Variants in PROX2 observed in about 807,000 individuals in gnomAD.
The protein encoded by PROX2 is prospero homeobox protein 2.
A neutral mutation model predicts 48.9 loss-of-function variants in PROX2; 46 were observed. The observed-to-expected ratio is 0.94, with a 90% CI of 0.74 to 1.20. The LOEUF (loss-of-function observed/expected upper bound fraction) is 1.20, where lower values mean the gene tolerates loss of function less well. Among genes scored for constraint, PROX2 ranks in the 50% most tolerant of loss-of-function variants. PROX2 has a pLI of 0.00. For missense variants in PROX2, 663 were observed against 719.4 expected (o/e 0.92, Z 0.90); for synonymous variants, 260 against 276.6 (o/e 0.94, Z 0.60).
chr14:74,874,257 T>TG (rs1883285643), intron 1 of PROX2: 2 of 347,474 alleles, frequency 5.8e-6, no homozygotes. Flanking sequence ...ACAAGTTTTT[T>TG]TTTTTTTTTT....
In PROX2 at chr14:74,858,247, T is replaced by C. The variant is rs2091762354; in HGVS notation, c.1413+160A>G. On this transcript the variant is annotated intron_variant, in intron 4 of 5. Transcript: ENST00000556489. ...TAGCCTAAAGTTATTCACGGTTATTTGGGTAGAGTCTCAGCCCAGAACTGG... is the reference window on the plus strand; with the variant it reads ...TAGCCTAAAGTTATTCACGGTTATTCGGGTAGAGTCTCAGCCCAGAACTGG... 7.6e-6 allele frequency: 4 copies of C among 525,264 alleles called. No individual in the cohort carries two copies. The East Asian group carries it at 1.2e-4, about 15-fold the overall frequency. 32.5% of individuals were successfully genotyped at this position (525,264 alleles called of 1,614,324 possible). A position where few individuals can be genotyped will look rare whatever the true frequency, so the allele number is the denominator to read the frequency against.
rs146475866 is a variant in PROX2, at chr14:74,871,777, A to C, written c.-309-540T>G. Reference sequence around the variant, plus strand: ...CAGAGCAAGACCCTGTCTCAAACAAACAAACAAACAAACAAGAACATACGA... The same window carrying C: ...CAGAGCAAGACCCTGTCTCAAACAACCAAACAAACAAACAAGAACATACGA... On this transcript the variant is annotated intron_variant, in intron 1 of 5. Coordinates refer to ENST00000556489, the MANE Select transcript of PROX2 (RefSeq NM_001243007.2). 4 of 153,302 alleles carry C rather than the reference A, an allele frequency of 2.6e-5. No individual in the cohort carries two copies. The East Asian group carries it at 7.6e-4, about 29-fold the overall frequency. The allele number at this position is 153,302 out of a possible 1,614,324, so 9.5% of individuals were successfully genotyped here.
At chr14:74,874,487 G>A (rs749126423) in intron 1 of PROX2, among the ~76,000 whole-genome samples, 3 of 151,528 alleles carry the variant, frequency 2.0e-5, no homozygotes, top group Non-Finnish European at 4.4e-5. Context: ...TCCTGACCTC[G>A]TAATCCACCC....
chr14:74,868,152 G>A (rs1188919435), intron 2 of PROX2, among the ~76,000 whole-genome samples: 1 of 151,792 alleles, frequency 6.6e-6, no homozygotes, highest in Non-Finnish European at 1.5e-5. Context: ...GACGATGAAA[G>A]TAATGTAGGA....
intron 3 of PROX2, chr14:74,861,113 A>T: frequency 1.2e-6 from 1 of 831,788 alleles, no homozygotes. Flanking sequence ...CATGGCATTT[A>T]GGACACAAAG....
chr14:74,859,533 T>C (rs567637493), intron 3 of PROX2: 9 of 152,174 alleles, frequency 5.9e-5, no homozygotes, highest in Admixed American at 2.6e-4. Context: ...CCTTCCCCTT[T>C]AACAAGAGTC....
intron 1 of PROX2, among the ~76,000 whole-genome samples, chr14:74,872,511 C>T (rs1304465754): frequency 6.6e-6 from 1 of 152,158 alleles, no homozygotes; most frequent in Admixed American, 6.6e-5. Context: ...ATAATGATGA[C>T]TTAATCACAT....
intron 3 of PROX2, among the ~76,000 whole-genome samples, chr14:74,859,761 C>T (rs1245688514): frequency 1.3e-5 from 2 of 152,208 alleles, no homozygotes; most frequent in Non-Finnish European, 2.9e-5. Flanking sequence ...GACCAACTGA[C>T]TATGGTTATA....
In PROX2 at chr14:74,871,142, T is replaced by C. The variant is rs1237251715; in HGVS notation, c.-214A>G. On this transcript the variant is annotated 5_prime_UTR_variant, in exon 2 of 6. Coordinates refer to ENST00000556489, the MANE Select transcript of PROX2 (RefSeq NM_001243007.2). ...ACTCAGGAAGCTGAGGTGGGAAGACTGCTTGAGCCCAGGAGTTCAAAGCTG... is the reference window on the plus strand; with the variant it reads ...ACTCAGGAAGCTGAGGTGGGAAGACCGCTTGAGCCCAGGAGTTCAAAGCTG... 1 of 151,820 alleles carries C rather than the reference T, an allele frequency of 6.6e-6. No individual in the cohort carries two copies. The highest frequency in any genetic ancestry group is 1.9e-4 in the East Asian group (1 of 5,170). The allele number at this position is 151,820 out of a possible 1,614,324, so 9.4% of individuals were successfully genotyped here.
chr14:74,865,125 A>G (rs895045831), intron 2 of PROX2: 2 of 151,060 alleles, frequency 1.3e-5, no homozygotes, highest in African/African-American at 4.9e-5. Context: ...AGCCTGGGCG[A>G]CAGAGTGAAA....
intron 3 of PROX2, 146 bp downstream of exon 3, chr14:74,862,384 G>A: frequency 1.2e-6 from 1 of 830,896 alleles, no homozygotes; most frequent in Non-Finnish European, 1.8e-6. Context: ...TTTAGAGATG[G>A]GGTCTAGCTA....
chr14:74,875,075 G>A (rs376631957), intron 1 of PROX2, among the ~76,000 whole-genome samples: 71 of 152,284 alleles, frequency 4.7e-4, no homozygotes, highest in African/African-American at 1.6e-3. Context: ...GAACCCGGGA[G>A]GTGGAGGTTG....
At chr14:74,869,988 A>G (rs1253345099) in intron 2 of PROX2, among the ~76,000 whole-genome samples, 1 of 152,226 alleles carries the variant, frequency 6.6e-6, no homozygotes, top group East Asian at 1.9e-4. Flanking sequence ...TAATAAGAGT[A>G]GGCACTAGTT....
intron 3 of PROX2, among the ~76,000 whole-genome samples, chr14:74,860,727 A>G (rs2091788294): frequency 6.6e-6 from 1 of 152,180 alleles, no homozygotes; most frequent in Non-Finnish European, 1.5e-5. Context: ...CATTCCAAAG[A>G]TAGTCAAGTA....
intron 2 of PROX2, among the ~76,000 whole-genome samples, chr14:74,870,441 T>TACACACACACACAC (rs10525556): frequency 0.16 from 17,314 of 110,566 alleles, 1,752 homozygotes; most frequent in South Asian, 0.29. Context: ...AAAAAAAAAA[T>TACACACACACACAC]ACACACACAC....
At chr14:74,860,900 C>G (rs1477797141) in intron 3 of PROX2, among the ~76,000 whole-genome samples, 1 of 151,984 alleles carries the variant, frequency 6.6e-6, no homozygotes. Context: ...TTGCAGCTGT[C>G]TGAATTTAAT....
rs546014472 is a variant in PROX2 at position 74,874,121 on chromosome 14, G to GAA, written c.-310+1772_-310+1773dup. 49 of 525,508 alleles carry GAA rather than the reference G, an allele frequency of 9.3e-5. 1 individual carries two copies. The highest frequency in any genetic ancestry group is 9.1e-4 in the African/African-American group (47 of 51,528). 32.6% of individuals were successfully genotyped at this position (525,508 alleles called of 1,614,324 possible). On this transcript the variant is annotated intron_variant, in intron 1 of 5. Transcript: ENST00000556489. ...TATGGCTTTTCTAAAGACCGCTTTG[G>GAA]AAATGGCAAGAACAGCAGTATATTC...
At chr14:74,868,313 T>TTATTTA (rs1883117398) in intron 2 of PROX2, among the ~76,000 whole-genome samples, 1 of 53,780 alleles carries the variant, frequency 1.9e-5, no homozygotes, top group Non-Finnish European at 3.8e-5. Flanking sequence ...TTTCTCGTAA[T>TTATTTA]TATATATATA....
intron 5 of PROX2, 75 bp downstream of exon 5, chr14:74,856,726 G>GT: frequency 7.6e-7 from 1 of 1,308,934 alleles, no homozygotes; most frequent in Non-Finnish European, 1.1e-6. Context: ...CACAGAAGAG[G>GT]GATCTTTCCT....
Sources: gnomAD v4.1 joint callset for allele counts (sites outside exome capture counted in the v4.1 genomes callset) on GRCh38, gnomAD v4.1.1 for gene constraint, MANE v1.5 for transcripts, NCBI Gene and HGNC (gene_info 2026-07-23, HGNC 2026-07-21) for gene names.